Variants in LRRC27 observed in about 807,000 individuals in gnomAD.
The protein encoded by LRRC27 is leucine rich repeat containing 27, also known as leucine-rich repeat-containing protein 27.
In LRRC27, 57 loss-of-function variants were observed where a neutral mutation model predicts 55.0. The observed-to-expected ratio is 1.04, with a 90% CI of 0.84 to 1.29. The LOEUF (loss-of-function observed/expected upper bound fraction) is 1.29, where lower values mean the gene tolerates loss of function less well. LRRC27 is among the 50% of genes most tolerant of loss of function. The pLI is 0.00. For missense variants in LRRC27, 721 were observed against 651.5 expected (o/e 1.11, Z -1.16); for synonymous variants, 278 against 251.9 (o/e 1.10, Z -0.98).
At chr10:132,336,594 G>A (rs747370899) in intron 2 of LRRC27, among the ~76,000 whole-genome samples, 1 of 152,214 alleles carries the variant, frequency 6.6e-6, no homozygotes, top group Non-Finnish European at 1.5e-5. Context: ...AGAAGGCAAC[G>A]TAATCACAAC....
chr10:132,342,902 A>G (rs2067485370), intron 4 of LRRC27, among the ~76,000 whole-genome samples: 1 of 152,224 alleles, frequency 6.6e-6, no homozygotes, highest in African/African-American at 2.4e-5. Flanking sequence ...TACCATGTAG[A>G]CAGTATAAAA....
At chr10:132,331,485 T>G (rs1241901178), upstream of LRRC27, 1 of 1,612,692 alleles carries the variant, frequency 6.2e-7, no homozygotes, top group Non-Finnish European at 8.5e-7. Context: ...GCCTTACTTC[T>G]CCAAAGAGGA....
At chr10:132,364,515 A>ACCCACG (rs2068887643) in intron 9 of LRRC27, among the ~76,000 whole-genome samples, 1 of 78,250 alleles carries the variant, frequency 1.3e-5, no homozygotes, top group Non-Finnish European at 2.2e-5. Flanking sequence ...CTACCTCCAC[A>ACCCACG]CTCGCACTTA....
At chr10:132,341,470 T>C (rs1008261292) in intron 3 of LRRC27, among the ~76,000 whole-genome samples, 14 of 152,200 alleles carry the variant, frequency 9.2e-5, no homozygotes, top group African/African-American at 3.4e-4. Context: ...ATAGAATATA[T>C]AGATTTTTCC....
intron 10 of LRRC27, among the ~76,000 whole-genome samples, chr10:132,371,179 T>G (rs1311164814): frequency 6.6e-6 from 1 of 152,240 alleles, no homozygotes; most frequent in Non-Finnish European, 1.5e-5. Flanking sequence ...GTGCCGCGCA[T>G]GGCGTGGCGC....
upstream of LRRC27, chr10:132,330,283 C>T (rs2138510567): frequency 5.1e-6 from 3 of 591,276 alleles, no homozygotes; most frequent in Non-Finnish European, 6.2e-6. Flanking sequence ...AGAGGGAATA[C>T]GCTCAAATGG....
At chr10:132,352,046 G>A (rs1351275783) in intron 7 of LRRC27, among the ~76,000 whole-genome samples, 3 of 129,706 alleles carry the variant, frequency 2.3e-5, no homozygotes, top group Admixed American at 7.5e-5. Flanking sequence ...TGGGGCAGGC[G>A]CTGAGGCCTC....
At chr10:132,369,871 G>A (rs182597594) in intron 10 of LRRC27, among the ~76,000 whole-genome samples, 4 of 152,076 alleles carry the variant, frequency 2.6e-5, no homozygotes, top group Admixed American at 6.5e-5. Context: ...GTGCTCCCCC[G>A]CCCTGGTTAC....
chr10:132,332,502 G>A (rs4526701), intron 1 of LRRC27: 42,612 of 152,136 alleles, frequency 0.28, 6,250 homozygotes, highest in East Asian at 0.36. Flanking sequence ...GGCAGCCTCG[G>A]AAACCCCACG....
chr10:132,364,201 A>G (rs1564852459), intron 9 of LRRC27, among the ~76,000 whole-genome samples: 1 of 151,912 alleles, frequency 6.6e-6, no homozygotes, highest in Non-Finnish European at 1.5e-5. Flanking sequence ...CTGAAAAGCA[A>G]GCAAAACCGG....
intron 9 of LRRC27, among the ~76,000 whole-genome samples, chr10:132,365,222 C>A (rs533336198): frequency 1.4e-4 from 21 of 152,328 alleles, no homozygotes; most frequent in African/African-American, 5.1e-4. Flanking sequence ...CAGCCCAGGC[C>A]CCCCGGCGTG....
intron 8 of LRRC27, 68 bp downstream of exon 8, chr10:132,355,954 T>C: frequency 9.2e-7 from 1 of 1,089,982 alleles, no homozygotes; most frequent in South Asian, 1.4e-5. Context: ...CTCACAGGCA[T>C]CCCTGTCCAT....
In LRRC27 at chr10:132,349,106, CTGTG is replaced by C. The variant is rs763108954; in HGVS notation, c.926+758_926+761del. The C allele has an allele frequency of 2.4e-6, 3 of 1,273,404 alleles. No homozygotes were observed. In the Admixed American group the frequency reaches 5.8e-5, roughly 24 times the overall value. The allele number at this position is 1,273,404 out of a possible 1,614,324, so 78.9% of individuals were successfully genotyped here. The stretch of plus-strand genomic sequence containing the variant: ...GTGTGCCTGCATGTGGTGTGTGTGC[CTGTG>C]TGTGTGTAAACATCTAGAGAGAGAA... On this transcript the variant is annotated intron_variant, in intron 6 of 10. Transcript: ENST00000368614.
chr10:132,361,685 G>A, intron 9 of LRRC27, 110 bp downstream of exon 9: 1 of 797,336 alleles, frequency 1.3e-6, no homozygotes, highest in South Asian at 1.5e-5. Flanking sequence ...GAAACTCCAG[G>A]CTGTGGCGGG....
At chr10:132,355,448 C>T (rs1008999347) in intron 7 of LRRC27, among the ~76,000 whole-genome samples, 5 of 152,218 alleles carry the variant, frequency 3.3e-5, no homozygotes, top group Non-Finnish European at 5.9e-5. Flanking sequence ...ACCCCCAACC[C>T]GTCGTGCAGC....
At chr10:132,354,842 G>A (rs1003109372) in intron 7 of LRRC27, among the ~76,000 whole-genome samples, 1 of 152,196 alleles carries the variant, frequency 6.6e-6, no homozygotes, top group Non-Finnish European at 1.5e-5. Flanking sequence ...TGGAGAGGGG[G>A]TACCAACCAC....
intron 6 of LRRC27, among the ~76,000 whole-genome samples, chr10:132,349,811 T>C (rs1177891911): frequency 6.6e-6 from 1 of 152,168 alleles, no homozygotes; most frequent in African/African-American, 2.4e-5. Context: ...GGGTGGGCCC[T>C]GAGTGTTGTC....
At chr10:132,369,831 G>A (rs564605164) in intron 10 of LRRC27, among the ~76,000 whole-genome samples, 15 of 152,258 alleles carry the variant, frequency 9.9e-5, no homozygotes, top group African/African-American at 3.6e-4. Flanking sequence ...AAACCTGAGA[G>A]CTGGCTCTTG....
Position 132,380,037 on chromosome 10 carries a change from C to T in LRRC27, c.*4795C>T, listed in dbSNP as rs2069391104. On this transcript the variant is annotated 3_prime_UTR_variant, in exon 11 of 11. Transcript: ENST00000368614. ...ATTGGCCGAGTGCAGTGGCTCACGC[C>T]TGTAATCCCAGCACTTTGGGAGGCC... 6.6e-6 allele frequency: 1 copy of T among 152,264 alleles called. No individual in the cohort carries two copies. The highest frequency in any genetic ancestry group is 2.4e-5 in the African/African-American group (1 of 41,422). 9.4% of individuals were successfully genotyped at this position (152,264 alleles called of 1,614,324 possible).
Sources: allele counts gnomAD v4.1 joint callset (sites outside exome capture counted in the v4.1 genomes callset), GRCh38; gene constraint gnomAD v4.1.1; transcripts MANE v1.5; gene names NCBI Gene and HGNC (gene_info 2026-07-23, HGNC 2026-07-21).